The following ALDH3B1 variants were observed in gnomAD, a reference collection of about 807,000 sequenced individuals.
ALDH3B1 encodes aldehyde dehydrogenase 3 family member B1.
Under a neutral mutation model 46.2 loss-of-function variants are expected in ALDH3B1, and 37 were observed. That is an observed-to-expected ratio of 0.80 (90% CI 0.62 to 1.05). The LOEUF is 1.05. ALDH3B1 is among the 50% of genes least tolerant of loss of function. The probability of loss-of-function intolerance (pLI) is 0.00; values close to 1 mark genes in which losing one functional copy is unlikely to be tolerated. For synonymous variants in ALDH3B1, 283 were observed against 281.0 expected (o/e 1.01, Z -0.07); for missense variants, 603 against 665.5 (o/e 0.91, Z 1.03).
In ALDH3B1 at chr11:68,018,261, A is replaced by C. The variant is rs770434998; in HGVS notation, c.163-266A>C. On this transcript the variant is annotated intron_variant, in intron 2 of 9. Transcript: ENST00000342456. ...CCCTGCTCCATGATTTCCCTAGCAC[A>C]GCCACGTCCTAATGGAGCCGTCAGC... 3.8e-4 allele frequency: 187 copies of C among 495,158 alleles called. 1 individual carries two copies. Among genetic ancestry groups the C allele is most frequent in the Non-Finnish European group, 8.8e-5 (24 of 274,230 alleles). The allele number at this position is 495,158 out of a possible 1,614,324, so 30.7% of individuals were successfully genotyped here.
chr11:68,012,119 G>A (rs571256947), intron 1 of ALDH3B1, among the ~76,000 whole-genome samples: 93 of 152,306 alleles, frequency 6.1e-4, no homozygotes, highest in Non-Finnish European at 1.1e-3. Flanking sequence ...CAGAGCCTCC[G>A]TTTCCCTGGA....
intron 1 of ALDH3B1, among the ~76,000 whole-genome samples, chr11:68,013,775 G>C (rs1232300012): frequency 6.6e-6 from 1 of 152,222 alleles, no homozygotes; most frequent in African/African-American, 2.4e-5. Flanking sequence ...CGAGAGGCTC[G>C]TTCTTGGCTC....
At position 68,028,603 on chromosome 11, in the gene ALDH3B1, G is replaced by C. The variant is rs1854645939; in HGVS notation, c.*664G>C. The C allele has an allele frequency of 6.5e-6, 1 of 154,240 alleles. No individual in the cohort carries two copies. Among genetic ancestry groups the C allele is most frequent in the South Asian group, 1.9e-4 (1 of 5,222 alleles). 9.6% of individuals were successfully genotyped at this position (154,240 alleles called of 1,614,324 possible). On this transcript the variant is annotated 3_prime_UTR_variant, in exon 10 of 10. Coordinates refer to ENST00000342456, the MANE Select transcript of ALDH3B1 (RefSeq NM_000694.4). The stretch of plus-strand genomic sequence containing the variant: ...AAGGCAGGAGAATCGCTTGAACCCG[G>C]GAGGTGGAGGTTGCCGTGAGCTGAG...
chr11:68,018,660 G>A (rs1159389805), intron 3 of ALDH3B1, 23 bp downstream of exon 3: 3 of 1,556,484 alleles, frequency 1.9e-6, no homozygotes, highest in Non-Finnish European at 2.6e-6. Context: ...GGCTGAGGCG[G>A]GCAGGGGGCT....
chr11:68,024,876 T>C (rs1388157436), intron 8 of ALDH3B1: 1 of 152,208 alleles, frequency 6.6e-6, no homozygotes, highest in East Asian at 1.9e-4. Context: ...TCGTGTGGTT[T>C]GTCTGAGGCT....
rs1420027999 is a variant in ALDH3B1, at chr11:68,028,004, G to A, written c.*65G>A. ...TGTCGCCTGCGGCTGGTGGAGACGGGGCCTGGGCTCCCGGGCCCGAGGAGG... is the reference window on the plus strand; with the variant it reads ...TGTCGCCTGCGGCTGGTGGAGACGGAGCCTGGGCTCCCGGGCCCGAGGAGG... On this transcript the variant is annotated 3_prime_UTR_variant, in exon 10 of 10. Coordinates refer to ENST00000342456, the MANE Select transcript of ALDH3B1 (RefSeq NM_000694.4). 1 of 1,563,558 alleles carries A rather than the reference G, an allele frequency of 6.4e-7. No individual in the cohort carries two copies. Among genetic ancestry groups the A allele is most frequent in the South Asian group, 1.1e-5 (1 of 87,248 alleles).
intron 5 of ALDH3B1, 145 bp from the exon 6 acceptor site, chr11:68,019,570 T>C (rs1397473291): frequency 2.4e-6 from 2 of 850,724 alleles, no homozygotes; most frequent in East Asian, 5.2e-5. Flanking sequence ...TTCTCCCCAC[T>C]TTGCCTCCAC....
In ALDH3B1 at chr11:68,020,730, G is replaced by A. The variant is rs117252786; in HGVS notation, c.563-755G>A. On this transcript the variant is annotated intron_variant, in intron 6 of 9. Transcript: ENST00000342456. ...GAAGCACTGTGCCAGGATGGGGCAGGGGTGAGAGTAGAGAAGGCACAGTGG... is the reference window on the plus strand; with the variant it reads ...GAAGCACTGTGCCAGGATGGGGCAGAGGTGAGAGTAGAGAAGGCACAGTGG... 1.2e-3 allele frequency among the ~76,000 whole-genome samples: 182 copies of A among 152,334 alleles called. 1 individual carries two copies. Among genetic ancestry groups the A allele is most frequent in the Non-Finnish European group, 1.7e-3 (119 of 68,030 alleles).
At position 68,026,910 on chromosome 11, in the gene ALDH3B1, C is replaced by T. The variant is rs553354774; in HGVS notation, c.1216+802C>T. ...GAGTTTGGGCGGCTGCCCCCGACCCCACCTAGCTGCCTCCCCAGCCCCAGC... is the reference window on the plus strand; with the variant it reads ...GAGTTTGGGCGGCTGCCCCCGACCCTACCTAGCTGCCTCCCCAGCCCCAGC... On this transcript the variant is annotated intron_variant, in intron 9 of 9. Transcript: ENST00000342456. Among the ~76,000 whole-genome samples, 3 of 152,282 alleles carry T rather than the reference C, an allele frequency of 2.0e-5. No homozygotes were observed. In the South Asian group the frequency reaches 6.2e-4, roughly 32 times the overall value.
chr11:68,021,965 G>A (rs2134395024), intron 7 of ALDH3B1, 94 bp downstream of exon 7: 2 of 1,510,466 alleles, frequency 1.3e-6, no homozygotes, highest in African/African-American at 1.4e-5. Context: ...ACCCGCGCCT[G>A]AAACCTGGCC....
intron 2 of ALDH3B1, 151 bp from the exon 3 acceptor site, chr11:68,018,376 G>A: frequency 1.5e-6 from 1 of 673,484 alleles, no homozygotes; most frequent in Admixed American, 2.8e-5. Context: ...ACCTCACACA[G>A]GAAGCACGCA....
chr11:68,020,291 G>T (rs1400134998), intron 6 of ALDH3B1, among the ~76,000 whole-genome samples: 1 of 152,116 alleles, frequency 6.6e-6, no homozygotes, highest in East Asian at 1.9e-4. Context: ...CACAATCTTG[G>T]CACAATCTTG....
At chr11:68,010,940 T>TC (rs1857216388) in intron 1 of ALDH3B1, among the ~76,000 whole-genome samples, 1 of 152,126 alleles carries the variant, frequency 6.6e-6, no homozygotes, top group Non-Finnish European at 1.5e-5. Flanking sequence ...GCACTTCTCA[T>TC]CCCGGGAACT....
upstream of ALDH3B1, among the ~76,000 whole-genome samples, chr11:68,009,047 C>T (rs766482976): frequency 1.3e-5 from 2 of 152,150 alleles, no homozygotes; most frequent in Non-Finnish European, 2.9e-5. Flanking sequence ...GGCATCATGA[C>T]CACGGTCCTA....
At chr11:68,014,422 C>T (rs991128000) in intron 1 of ALDH3B1, among the ~76,000 whole-genome samples, 4 of 152,224 alleles carry the variant, frequency 2.6e-5, no homozygotes, top group African/African-American at 2.4e-5. Context: ...ACCACGGGTC[C>T]TTGGCACCAG....
At chr11:68,020,873 G>T (rs1042429608) in intron 6 of ALDH3B1, among the ~76,000 whole-genome samples, 3 of 152,210 alleles carry the variant, frequency 2.0e-5, no homozygotes, top group Non-Finnish European at 2.9e-5. Context: ...CCCAGACAGG[G>T]CTAGGGCAGA....
chr11:68,019,777 C>G lies in ALDH3B1; in HGVS notation c.543C>G (p.Phe181Leu), dbSNP rs748938903. 6.2e-7 allele frequency: 1 copy of G among 1,614,106 alleles called. No individual in the cohort carries two copies. Among genetic ancestry groups the G allele is most frequent in the South Asian group, 1.1e-5 (1 of 91,076 alleles). The change falls in exon 6 of 10, where the codon TTC (phenylalanine) becomes TTG (leucine). Residue 181 changes from phenylalanine to leucine, a missense_variant. Phe to Leu is a conservative substitution (Grantham distance 22). Coordinates refer to ENST00000342456, the MANE Select transcript of ALDH3B1 (RefSeq NM_000694.4). ...QETGQLLEHRFDYIFFTGSPR... is the reference protein window; with the variant it reads ...QETGQLLEHRLDYIFFTGSPR... ...CGGGGCAGCTGCTAGAGCACAGGTT[C>G]GACTACATCTTCTTCACAGGTGAGG...
rs563316427 is a variant in ALDH3B1, at chr11:68,027,661, G to A, written c.1217-88G>A. ...GGACAGATGGGGAAACTGAGGCTCA[G>A]AGGGGAGAAGTAGCCCGCCTAGGCC... On this transcript the variant is annotated intron_variant, in intron 9 of 9. Transcript: ENST00000342456. 1.2e-5 allele frequency: 16 copies of A among 1,344,794 alleles called. No individual in the cohort carries two copies. The South Asian group carries it at 2.2e-4, about 18-fold the overall frequency. 83.3% of individuals were successfully genotyped at this position (1,344,794 alleles called of 1,614,324 possible).
At chr11:68,025,934 C>A (rs1857611109) in intron 8 of ALDH3B1, 75 bp from the exon 9 acceptor site, 2 of 1,104,422 alleles carry the variant, frequency 1.8e-6, no homozygotes, top group African/African-American at 1.6e-5. Flanking sequence ...CAGAGTCCAG[C>A]ATGGAACAGG....
Sources: allele counts gnomAD v4.1 joint callset (sites outside exome capture counted in the v4.1 genomes callset), GRCh38; gene constraint gnomAD v4.1.1; transcripts MANE v1.5; gene names NCBI Gene and HGNC (gene_info 2026-07-23, HGNC 2026-07-21).